Variants in RALGDS observed in about 807,000 individuals in gnomAD.
RALGDS encodes ral guanine nucleotide exchange factor.
RALGDS carries 44 observed loss-of-function variants against 99.8 expected under a neutral mutation model. The ratio of observed to expected loss-of-function variants is 0.44; its 90% confidence interval spans 0.35 to 0.57. The LOEUF is 0.57. Among genes scored for constraint, RALGDS ranks in the 20% least tolerant of loss-of-function variants. The pLI is 0.01. For synonymous variants in RALGDS, 529 were observed against 505.0 expected, an observed-to-expected ratio of 1.05 and a Z score of -0.64; for missense variants, 1,022 against 1,203.1, an observed-to-expected ratio of 0.85 and a Z score of 2.23.
At chr9:133,143,413 G>A (rs1475110280) in intron 1 of RALGDS, among the ~76,000 whole-genome samples, 1 of 152,214 alleles carries the variant, frequency 6.6e-6, no homozygotes, top group Non-Finnish European at 1.5e-5. Context: ...AGCTCGGTGA[G>A]CGAGGAGGTG....
intron 1 of RALGDS, among the ~76,000 whole-genome samples, chr9:133,119,371 C>G (rs933795348): frequency 2.0e-5 from 3 of 152,048 alleles, no homozygotes; most frequent in Non-Finnish European, 4.4e-5. Flanking sequence ...GGCCTCCTCT[C>G]CTGCCAGGAT....
intron 4 of RALGDS, 55 bp from the exon 5 acceptor site, chr9:133,108,921 C>T: frequency 2.6e-6 from 4 of 1,523,198 alleles, no homozygotes; most frequent in Non-Finnish European, 3.6e-6. Context: ...CTGAGCCAGG[C>T]TGGGCTCCTG....
chr9:133,134,286 C>G (rs991643018), upstream of RALGDS, among the ~76,000 whole-genome samples: 7 of 152,238 alleles, frequency 4.6e-5, no homozygotes, highest in Admixed American at 3.3e-4. Flanking sequence ...TGACACCTGT[C>G]ACTGTGCAGC....
Position 133,101,635 on chromosome 9 carries a change from GAGAC to G in RALGDS, c.2335_2338del (p.Val779GlnfsTer40). On this transcript the variant is annotated frameshift_variant, in exon 16 of 18. Transcript: ENST00000372050. LOFTEE classifies it high-confidence loss of function. Reference sequence around the variant, plus strand: ...CGCGGAGCTGGAGTTGCAGAGCCCTGAGACAGAGCGCTTGTGGGTGCGTGTGGCA... The same window carrying G: ...CGCGGAGCTGGAGTTGCAGAGCCCTGAGAGCGCTTGTGGGTGCGTGTGGCA... 1 of 1,613,768 alleles carries G rather than the reference GAGAC, an allele frequency of 6.2e-7. No individual in the cohort carries two copies. Among genetic ancestry groups the G allele is most frequent in the Non-Finnish European group, 8.5e-7 (1 of 1,180,046 alleles).
intron 2 of RALGDS, among the ~76,000 whole-genome samples, chr9:133,110,899 T>C (rs187381983): frequency 2.6e-5 from 4 of 151,716 alleles, no homozygotes; most frequent in East Asian, 3.9e-4. Context: ...CTGGGCAACA[T>C]GGCAAAACCC....
At chr9:133,103,570 C>T (rs541736240) in intron 11 of RALGDS, 177 bp downstream of exon 11, 115 of 756,382 alleles carry the variant, frequency 1.5e-4, no homozygotes, top group Non-Finnish European at 2.4e-4. Context: ...GAGGGATGGG[C>T]TGTGTCCCAC....
In RALGDS at chr9:133,103,776, G is replaced by C; in HGVS notation, c.1729C>G (p.Leu577Val). The change falls in exon 11 of 18, where the codon CTG (leucine) becomes GTG (valine). Residue 577 changes from leucine to valine, a missense_variant. Around this residue, in one of 3 missense-constraint regions of RALGDS, gnomAD observed 825 missense variants for 994.5 expected, o/e 0.83. Transcript: ENST00000372050. Reference sequence around the variant, plus strand: ...AGATAGTCCTTCATGGCAGTGTCCAGCATCACCAGGTCGGTGAGGAACGTG... The same window carrying C: ...AGATAGTCCTTCATGGCAGTGTCCACCATCACCAGGTCGGTGAGGAACGTG... ...LGTFLTDLVM[L>V]DTAMKDYLYG... 1 of 1,613,420 alleles carries C rather than the reference G, an allele frequency of 6.2e-7. No homozygotes were observed. Among genetic ancestry groups the C allele is most frequent in the South Asian group, 1.1e-5 (1 of 91,078 alleles).
chr9:133,126,237 G>A (rs1159672144), upstream of RALGDS, among the ~76,000 whole-genome samples: 7 of 137,018 alleles, frequency 5.1e-5, no homozygotes, highest in Admixed American at 1.5e-4. Flanking sequence ...CCCCCGGGAC[G>A]TGCACCTGCC....
rs1249931759 is a variant in RALGDS, at chr9:133,098,878, C to T, written c.2570-116G>A. ...TTGAGCCACAGACCTCAGATCCCCT[C>T]CAATACAGCTCCAGAACTCCAAGGA... is the stretch of plus-strand genomic sequence containing the variant. On this transcript the variant is annotated intron_variant, in intron 17 of 17. Transcript: ENST00000372050. 9.0e-6 allele frequency: 9 copies of T among 1,001,516 alleles called. No individual in the cohort carries two copies. In the East Asian group the frequency reaches 2.3e-4, roughly 26 times the overall value. 62.0% of individuals were successfully genotyped at this position (1,001,516 alleles called of 1,614,324 possible).
upstream of RALGDS, chr9:133,131,276 A>T (rs1832326072): frequency 4.9e-4 from 12 of 24,588 alleles, no homozygotes; most frequent in Non-Finnish European, 7.9e-4. Flanking sequence ...GTGGGTGGGC[A>T]TGTGGGGGTG....
chr9:133,109,504 C>G (rs974622449), intron 4 of RALGDS, 122 bp downstream of exon 4: 9 of 909,916 alleles, frequency 9.9e-6, no homozygotes, highest in Non-Finnish European at 1.5e-5. Context: ...CTAGCAGGAA[C>G]CACAAGAGGT....
At chr9:133,140,286 C>CCA (rs920400673) in intron 1 of RALGDS, among the ~76,000 whole-genome samples, 1 of 152,118 alleles carries the variant, frequency 6.6e-6, no homozygotes, top group Non-Finnish European at 1.5e-5. Context: ...GGGCACCCCC[C>CCA]CACACACACA....
chr9:133,106,236 G>GT (rs1306071161), intron 8 of RALGDS, among the ~76,000 whole-genome samples: 1 of 151,856 alleles, frequency 6.6e-6, no homozygotes, highest in African/African-American at 2.4e-5. Flanking sequence ...TTCCAAAGGG[G>GT]TTTTTTTCTT....
In RALGDS at chr9:133,117,500, G is replaced by A. The variant is rs1468315291; in HGVS notation, c.183+3472C>T. On this transcript the variant is annotated intron_variant, in intron 1 of 17. Coordinates refer to ENST00000372050, the MANE Select transcript of RALGDS (RefSeq NM_006266.4). Reference sequence around the variant, plus strand: ...CCCTCCAACGCAGGTGTCCTGCCCCGCCCGCCAAGCCACTGTTGGGCTGCC... The same window carrying A: ...CCCTCCAACGCAGGTGTCCTGCCCCACCCGCCAAGCCACTGTTGGGCTGCC... Among the ~76,000 whole-genome samples, 26 of 152,194 alleles carry A rather than the reference G, an allele frequency of 1.7e-4. 1 individual carries two copies. Among genetic ancestry groups the A allele is most frequent in the Admixed American group, 1.4e-3 (22 of 15,278 alleles).
intron 1 of RALGDS, among the ~76,000 whole-genome samples, chr9:133,130,349 G>C (rs935282844): frequency 1.3e-5 from 2 of 152,150 alleles, no homozygotes; most frequent in African/African-American, 4.8e-5. Flanking sequence ...CCTGACCTCA[G>C]GTGATCCACC....
At chr9:133,103,026 A>C in intron 12 of RALGDS, 126 bp from the exon 13 acceptor site, 1 of 1,477,538 alleles carries the variant, frequency 6.8e-7, no homozygotes, top group Non-Finnish European at 9.2e-7. Flanking sequence ...CCTGTTCTCA[A>C]AGTTGGGCTC....
chr9:133,098,903 A>AC, intron 17 of RALGDS, 141 bp from the exon 18 acceptor site: 1 of 778,526 alleles, frequency 1.3e-6, no homozygotes, highest in Non-Finnish European at 2.1e-6. Flanking sequence ...AACTCCAAGG[A>AC]CCCCTCTCAA....
At chr9:133,100,935 T>G (rs1395177810) in intron 16 of RALGDS, 4 of 1,042,788 alleles carry the variant, frequency 3.8e-6, no homozygotes, top group Non-Finnish European at 4.6e-6. Context: ...ATGGGGCACC[T>G]GACCCAGGGC....
chr9:133,136,089 C>T (rs2035357203), upstream of RALGDS, among the ~76,000 whole-genome samples: 1 of 152,174 alleles, frequency 6.6e-6, no homozygotes, highest in Admixed American at 6.5e-5. Context: ...CGCGAATTTA[C>T]TGAACACCTA....
Sources: allele counts gnomAD v4.1 joint callset (sites outside exome capture counted in the v4.1 genomes callset), GRCh38; gene constraint gnomAD v4.1.1; regional missense constraint gnomAD v4.1.1; transcripts MANE v1.5; gene names NCBI Gene and HGNC (gene_info 2026-07-23, HGNC 2026-07-21).